Variants in GRID2 observed in about 807,000 individuals in gnomAD.
The protein encoded by GRID2 is glutamate ionotropic receptor delta type subunit 2.
A neutral mutation model predicts 114.8 loss-of-function variants in GRID2; 33 were observed. That is an observed-to-expected ratio of 0.29 (90% CI 0.22 to 0.38). The LOEUF (loss-of-function observed/expected upper bound fraction) is 0.38, where lower values mean the gene tolerates loss of function less well. GRID2 is among the 10% of genes least tolerant of loss of function. The probability of loss-of-function intolerance (pLI) is 1.00; values close to 1 mark genes in which losing one functional copy is unlikely to be tolerated. For synonymous variants in GRID2, 505 were observed against 449.9 expected (o/e 1.12, Z -1.55); for missense variants, 1,184 against 1,257.7 (o/e 0.94, Z 0.89).
At chr4:92,807,239 T>C (rs35538025) in intron 2 of GRID2, among the ~76,000 whole-genome samples, 7,788 of 152,102 alleles carry the variant, frequency 0.051, 262 homozygotes, top group Middle Eastern at 0.15. Context: ...TACTGCACCA[T>C]TTTTTAAATA....
chr4:92,962,007 T>C (rs1032463008), intron 2 of GRID2, among the ~76,000 whole-genome samples: 2 of 151,912 alleles, frequency 1.3e-5, no homozygotes, highest in Admixed American at 6.6e-5. Context: ...AGCTCTAGAA[T>C]TTCTTTTTGT....
chr4:92,564,346 T>TA (rs1244706953), intron 1 of GRID2, among the ~76,000 whole-genome samples: 1 of 151,974 alleles, frequency 6.6e-6, no homozygotes, highest in Non-Finnish European at 1.5e-5. Context: ...AAGCTGATTT[T>TA]AAAAAAATCA....
intron 2 of GRID2, among the ~76,000 whole-genome samples, chr4:92,980,020 G>T (rs1670427051): frequency 6.6e-6 from 1 of 152,008 alleles, no homozygotes; most frequent in Non-Finnish European, 1.5e-5. Flanking sequence ...TATTTGCTGG[G>T]TTGTGATTTT....
At chr4:92,721,879 T>A (rs1735825638) in intron 2 of GRID2, among the ~76,000 whole-genome samples, 1 of 152,180 alleles carries the variant, frequency 6.6e-6, no homozygotes, top group Non-Finnish European at 1.5e-5. Context: ...CAAGTCATCT[T>A]TGTTCCTAAA....
intron 1 of GRID2, among the ~76,000 whole-genome samples, chr4:92,572,768 T>C (rs1438307615): frequency 6.6e-6 from 1 of 152,024 alleles, no homozygotes; most frequent in Non-Finnish European, 1.5e-5. Flanking sequence ...ACCAAGGATA[T>C]TGGCCTGAAG....
At chr4:93,572,873 C>A (rs1736060518) in intron 13 of GRID2, among the ~76,000 whole-genome samples, 1 of 152,076 alleles carries the variant, frequency 6.6e-6, no homozygotes, top group South Asian at 2.1e-4. Context: ...AAATTGCAGC[C>A]TCTCACTTAT....
Position 93,594,775 on chromosome 4 carries a change from G to T in GRID2, c.2194-31494G>T, listed in dbSNP as rs553643705. ...TCGTGGTGCGCCGTTTTTTAAGCCCGTCGGAAAAGCGCAGTATTCGGGTGG... is the reference window on the plus strand; with the variant it reads ...TCGTGGTGCGCCGTTTTTTAAGCCCTTCGGAAAAGCGCAGTATTCGGGTGG... On this transcript the variant is annotated intron_variant, in intron 13 of 15. Transcript: ENST00000282020. 2.7e-3 allele frequency among the ~76,000 whole-genome samples: 410 copies of T among 151,106 alleles called. 3 individuals carry two copies. Among genetic ancestry groups the T allele is most frequent in the African/African-American group, 8.8e-3 (366 of 41,460 alleles).
At chr4:92,411,008 T>G (rs1224305081) in intron 1 of GRID2, among the ~76,000 whole-genome samples, 1 of 151,986 alleles carries the variant, frequency 6.6e-6, no homozygotes, top group East Asian at 1.9e-4. Context: ...CAGCCACTGG[T>G]TTTCATCATG....
At position 93,409,923 on chromosome 4, in the gene GRID2, T is replaced by TTGTC. The variant is rs1244286823; in HGVS notation, c.1348-12846_1348-12843dup. 2.0e-5 allele frequency among the ~76,000 whole-genome samples: 3 copies of TTGTC among 152,336 alleles called. No homozygotes were observed. The East Asian group carries it at 5.8e-4, about 29-fold the overall frequency. ...TTACTTCTGAAAACAGATTTATTAC[T>TTGTC]TGTCTCTAGAAGTTTAGAGAGAGAT... On this transcript the variant is annotated intron_variant, in intron 9 of 15. Transcript: ENST00000282020.
At chr4:92,944,986 A>C (rs914278125) in intron 2 of GRID2, among the ~76,000 whole-genome samples, 1 of 152,170 alleles carries the variant, frequency 6.6e-6, no homozygotes. Context: ...GGATTATATG[A>C]AACCTGTGAA....
intron 12 of GRID2, among the ~76,000 whole-genome samples, chr4:93,497,214 CT>C (rs1301714258): frequency 6.6e-6 from 1 of 151,536 alleles, no homozygotes; most frequent in Non-Finnish European, 1.5e-5. Flanking sequence ...TGCCTATTTT[CT>C]AATTGGGTTG....
chr4:93,337,428 C>A (rs1759198214), intron 8 of GRID2, among the ~76,000 whole-genome samples: 1 of 152,142 alleles, frequency 6.6e-6, no homozygotes, highest in South Asian at 2.1e-4. Flanking sequence ...CACAGAGGAG[C>A]CCACATGAAT....
At chr4:92,690,547 A>G (rs1306913515) in intron 2 of GRID2, among the ~76,000 whole-genome samples, 2 of 152,246 alleles carry the variant, frequency 1.3e-5, no homozygotes, top group Non-Finnish European at 2.9e-5. Context: ...TGAAGTGATC[A>G]CACACTGTTG....
intron 2 of GRID2, among the ~76,000 whole-genome samples, chr4:92,974,220 C>T (rs897284679): frequency 3.9e-5 from 6 of 152,088 alleles, no homozygotes; most frequent in Admixed American, 6.6e-5. Flanking sequence ...AAAATAGGAA[C>T]GCTTTTACAC....
At chr4:93,648,839 C>A (rs1240967366) in intron 14 of GRID2, among the ~76,000 whole-genome samples, 1 of 149,418 alleles carries the variant, frequency 6.7e-6, no homozygotes, top group Non-Finnish European at 1.5e-5. Context: ...CTTCTTTATT[C>A]TCTTTTTTTT....
intron 13 of GRID2, among the ~76,000 whole-genome samples, chr4:93,573,604 T>C (rs1203015924): frequency 6.6e-6 from 1 of 152,194 alleles, no homozygotes. Flanking sequence ...AAGCATGGAC[T>C]ATCTATTAAT....
At chr4:93,560,670 G>C (rs1450670326) in intron 13 of GRID2, among the ~76,000 whole-genome samples, 3 of 152,106 alleles carry the variant, frequency 2.0e-5, no homozygotes, top group African/African-American at 7.2e-5. Context: ...TGTAGAGACA[G>C]GATTTTGCTG....
In GRID2 at chr4:93,489,715, G is replaced by A. The variant is rs1726791100; in HGVS notation, c.1859-924G>A. Among the ~76,000 whole-genome samples the A allele has an allele frequency of 2.0e-5, 3 of 151,886 alleles. No homozygotes were observed. In the South Asian group the frequency reaches 6.2e-4, roughly 31 times the overall value. Reference sequence around the variant, plus strand: ...AATGGTGACAGGACTTGCTATTGAAGAAGATGTTTGAAAATTCCTATTTTT... The same window carrying A: ...AATGGTGACAGGACTTGCTATTGAAAAAGATGTTTGAAAATTCCTATTTTT... On this transcript the variant is annotated intron_variant, in intron 11 of 15. Transcript: ENST00000282020.
At chr4:92,959,521 T>A (rs1362495895) in intron 2 of GRID2, among the ~76,000 whole-genome samples, 3 of 152,022 alleles carry the variant, frequency 2.0e-5, no homozygotes, top group African/African-American at 7.2e-5. Flanking sequence ...ACCCAAAGGA[T>A]TATAAACCAT....
Sources: allele counts gnomAD v4.1 joint callset (sites outside exome capture counted in the v4.1 genomes callset), GRCh38; gene constraint gnomAD v4.1.1; transcripts MANE v1.5; gene names NCBI Gene and HGNC (gene_info 2026-07-23, HGNC 2026-07-21).